Variants in BTRC observed in about 807,000 individuals in gnomAD.
The protein encoded by BTRC is F-box/WD repeat-containing protein 1A.
BTRC carries 42 observed loss-of-function variants against 85.5 expected under a neutral mutation model. That is an observed-to-expected ratio of 0.49 (90% CI 0.38 to 0.64). BTRC has a LOEUF of 0.64. Among genes scored for constraint, BTRC ranks in the 30% least tolerant of loss-of-function variants. The probability of loss-of-function intolerance (pLI) is 0.00; values close to 1 mark genes in which losing one functional copy is unlikely to be tolerated. For missense variants in BTRC, 594 were observed against 743.5 expected (o/e 0.80, Z 2.34); for synonymous variants, 255 against 263.3 (o/e 0.97, Z 0.30).
chr10:101,552,107 T>C (rs2062659610), intron 14 of BTRC, among the ~76,000 whole-genome samples: 1 of 152,186 alleles, frequency 6.6e-6, no homozygotes, highest in Admixed American at 6.5e-5. Context: ...TTATTTGTGC[T>C]TCTTTCCCCC....
chr10:101,391,369 C>T (rs1943232323), intron 1 of BTRC, among the ~76,000 whole-genome samples: 1 of 152,110 alleles, frequency 6.6e-6, no homozygotes, highest in Non-Finnish European at 1.5e-5. Context: ...AATTTACCAG[C>T]AAATGGAGTT....
At chr10:101,361,987 A>G (rs1289682123) in intron 1 of BTRC, among the ~76,000 whole-genome samples, 1 of 152,032 alleles carries the variant, frequency 6.6e-6, no homozygotes, top group Non-Finnish European at 1.5e-5. Context: ...CTTGAGACGG[A>G]GTCTCACTCT....
At chr10:101,541,162 T>C (rs2062459566) in intron 13 of BTRC, among the ~76,000 whole-genome samples, 1 of 151,402 alleles carries the variant, frequency 6.6e-6, no homozygotes, top group African/African-American at 2.4e-5. Context: ...TTGGTAAGAG[T>C]GAATGTCCCT....
chr10:101,422,785 G>A (rs925581822), intron 1 of BTRC, among the ~76,000 whole-genome samples: 6 of 152,096 alleles, frequency 3.9e-5, no homozygotes, highest in Non-Finnish European at 8.8e-5. Flanking sequence ...TTGTAGATGT[G>A]TGTTATTATT....
chr10:101,499,047 A>C (rs1320413083), intron 4 of BTRC, among the ~76,000 whole-genome samples: 1 of 152,174 alleles, frequency 6.6e-6, no homozygotes, highest in African/African-American at 2.4e-5. Context: ...AACCATGTAC[A>C]TGCTAGATCC....
chr10:101,468,578 G>A (rs1945440738), intron 3 of BTRC, among the ~76,000 whole-genome samples: 1 of 152,038 alleles, frequency 6.6e-6, no homozygotes, highest in Non-Finnish European at 1.5e-5. Context: ...TTGCTTTTTG[G>A]TTTGCTTTTT....
Position 101,484,485 on chromosome 10 carries a change from G to A in BTRC, c.324+5028G>A, listed in dbSNP as rs56938047. On this transcript the variant is annotated intron_variant, in intron 4 of 14. Transcript: ENST00000370187. ...GCTACTTGCTGTACCAGCCATTGTC[G>A]GTAATTAAGATCTACAATTCACAAT... Among the ~76,000 whole-genome samples, 1,190 of 152,214 alleles carry A rather than the reference G, an allele frequency of 7.8e-3. 17 individuals carry two copies. The highest frequency in any genetic ancestry group is 0.027 in the African/African-American group (1,130 of 41,520).
chr10:101,544,067 AC>A (rs2062519900), intron 13 of BTRC, among the ~76,000 whole-genome samples: 2 of 151,714 alleles, frequency 1.3e-5, no homozygotes, highest in Non-Finnish European at 2.9e-5. Context: ...CCGCCACCAC[AC>A]CCAGCTAATT....
chr10:101,399,363 A>G (rs1943441980), intron 1 of BTRC, among the ~76,000 whole-genome samples: 1 of 135,452 alleles, frequency 7.4e-6, no homozygotes, highest in South Asian at 2.3e-4. Context: ...TAAAAAGCTC[A>G]TTCCCTTTTG....
At chr10:101,515,724 G>A (rs1234776280) in intron 4 of BTRC, among the ~76,000 whole-genome samples, 1 of 152,042 alleles carries the variant, frequency 6.6e-6, no homozygotes, top group Non-Finnish European at 1.5e-5. Context: ...TGTTAGCCAG[G>A]ATGGTCTTGA....
chr10:101,504,924 G>C (rs1946480941), intron 4 of BTRC, among the ~76,000 whole-genome samples: 1 of 151,288 alleles, frequency 6.6e-6, no homozygotes, highest in Non-Finnish European at 1.5e-5. Flanking sequence ...TCAAATATTT[G>C]ACTAATAAAT....
In BTRC at chr10:101,554,074, G is replaced by A. The variant is rs2062695437; in HGVS notation, c.*951G>A. On this transcript the variant is annotated 3_prime_UTR_variant, in exon 15 of 15. Coordinates refer to ENST00000370187, the MANE Select transcript of BTRC (RefSeq NM_033637.4). The stretch of plus-strand genomic sequence containing the variant: ...GTAGGGGGCAGGCAGAGGGGGTGGG[G>A]AGAAGTTTCCTGGGCTCCATCAATG... The A allele has an allele frequency of 6.6e-6, 1 of 152,256 alleles. No individual in the cohort carries two copies. Among genetic ancestry groups the A allele is most frequent in the African/African-American group, 2.4e-5 (1 of 41,444 alleles). The allele number at this position is 152,256 out of a possible 1,614,324, so 9.4% of individuals were successfully genotyped here.
At chr10:101,400,708 A>G (rs947616438) in intron 1 of BTRC, among the ~76,000 whole-genome samples, 3 of 152,206 alleles carry the variant, frequency 2.0e-5, no homozygotes, top group African/African-American at 7.2e-5. Context: ...TATTAACATG[A>G]TACCAGCCTC....
At chr10:101,468,924 T>C (rs1199549049) in intron 3 of BTRC, among the ~76,000 whole-genome samples, 1 of 152,228 alleles carries the variant, frequency 6.6e-6, no homozygotes, top group Non-Finnish European at 1.5e-5. Flanking sequence ...ATTGAATCCA[T>C]TGTAAAAAAT....
chr10:101,371,682 C>T (rs1242517781), intron 1 of BTRC, among the ~76,000 whole-genome samples: 3 of 152,170 alleles, frequency 2.0e-5, no homozygotes, highest in Non-Finnish European at 2.9e-5. Flanking sequence ...GAAGCTTGTA[C>T]GTTTTGACCT....
chr10:101,392,886 GT>G (rs1564744903), intron 1 of BTRC, among the ~76,000 whole-genome samples: 1 of 152,158 alleles, frequency 6.6e-6, no homozygotes, highest in East Asian at 1.9e-4. Context: ...TTCATCCATG[GT>G]CCTGGTTCAT....
chr10:101,374,345 C>A (rs905210143), intron 1 of BTRC, among the ~76,000 whole-genome samples: 2 of 151,896 alleles, frequency 1.3e-5, no homozygotes, highest in Admixed American at 6.6e-5. Context: ...GTGTTTATTG[C>A]GGCATTATTC....
intron 1 of BTRC, among the ~76,000 whole-genome samples, chr10:101,401,184 A>G (rs1447381765): frequency 6.6e-6 from 1 of 152,380 alleles, no homozygotes; most frequent in Non-Finnish European, 1.5e-5. Context: ...TTGTTGTGGC[A>G]TGATTTAAAG....
intron 1 of BTRC, among the ~76,000 whole-genome samples, chr10:101,426,971 A>G (rs932075319): frequency 2.0e-5 from 3 of 151,866 alleles, no homozygotes; most frequent in Admixed American, 2.0e-4. Flanking sequence ...TTCATGCTCT[A>G]TTTATTTACA....
Sources: allele counts gnomAD v4.1 joint callset (sites outside exome capture counted in the v4.1 genomes callset), GRCh38; gene constraint gnomAD v4.1.1; transcripts MANE v1.5; gene names NCBI Gene and HGNC (gene_info 2026-07-23, HGNC 2026-07-21).